The following KCNQ1 variants were observed in gnomAD, a reference collection of about 807,000 sequenced individuals.
The protein encoded by KCNQ1 is potassium voltage-gated channel subfamily KQT member 1.
KCNQ1 carries 49 observed loss-of-function variants against 72.4 expected under a neutral mutation model. The ratio of observed to expected loss-of-function variants is 0.68; its 90% confidence interval spans 0.54 to 0.86. The LOEUF (loss-of-function observed/expected upper bound fraction) is 0.86. KCNQ1 is among the 40% of genes least tolerant of loss of function. KCNQ1 has a pLI of 0.00. For synonymous variants in KCNQ1, 450 were observed against 412.6 expected, an observed-to-expected ratio of 1.09 and a Z score of -1.10; for missense variants, 790 against 945.1, an observed-to-expected ratio of 0.84 and a Z score of 2.15.
At position 2,587,699 on chromosome 11, in the gene KCNQ1, A is replaced by G. The variant is rs770801514; in HGVS notation, c.1251+7A>G. 5 of 1,613,612 alleles carry G rather than the reference A, an allele frequency of 3.1e-6. No homozygotes were observed. The highest frequency in any genetic ancestry group is 4.2e-6 in the Non-Finnish European group (5 of 1,179,942). On this transcript the variant is annotated splice_region_variant and intron_variant, in intron 9 of 15. Coordinates refer to ENST00000155840, the MANE Select transcript of KCNQ1 (RefSeq NM_000218.3). ...ACCCAAGAAGTCTGTGGTGGTGAGT[A>G]GCCCACCTGCCACCAGGGCAGGGCC...
At chr11:2,456,532 A>G (rs1846192370) in intron 1 of KCNQ1, among the ~76,000 whole-genome samples, 1 of 152,178 alleles carries the variant, frequency 6.6e-6, no homozygotes, top group Admixed American at 6.5e-5. Flanking sequence ...ACAGAATGGG[A>G]GAAAATATTA....
In KCNQ1 at chr11:2,677,597, T is replaced by G; in HGVS notation, c.1514+15516T>G. The G allele has an allele frequency of 2.5e-6, 1 of 398,578 alleles. No homozygotes were observed. 24.7% of individuals were successfully genotyped at this position (398,578 alleles called of 1,614,324 possible). A position where few individuals can be genotyped will look rare whatever the true frequency, so the allele number is the denominator to read the frequency against. On this transcript the variant is annotated intron_variant, in intron 11 of 15. Transcript: ENST00000155840. This position sits in a 1 kb window ranked among gnomAD's most constrained non-coding sequence, Gnocchi z 4.5. ...TTACAAAAGACAAACCAAAATCCCC[T>G]CTGGATTTGTTTTTTTCTAAAACGT...
At chr11:2,587,294 A>G (rs781336937) in intron 8 of KCNQ1, among the ~76,000 whole-genome samples, 69 of 152,206 alleles carry the variant, frequency 4.5e-4, no homozygotes, top group Non-Finnish European at 8.7e-4. Flanking sequence ...AGGCTGGCTC[A>G]GGGCTGGTAA....
chr11:2,802,299 G>T (rs889718730), intron 15 of KCNQ1, among the ~76,000 whole-genome samples: 2 of 152,324 alleles, frequency 1.3e-5, no homozygotes, highest in East Asian at 3.9e-4. Flanking sequence ...TTTAGCCCTG[G>T]CTCCGGCCCT....
intron 10 of KCNQ1, chr11:2,636,731 T>G (rs1014135883): frequency 6.6e-6 from 1 of 152,238 alleles, no homozygotes; most frequent in African/African-American, 2.4e-5. Flanking sequence ...CCTCTTTTTC[T>G]ATTGTTTGGA....
chr11:2,505,717 A>T (rs1847093397), intron 1 of KCNQ1, among the ~76,000 whole-genome samples: 1 of 152,216 alleles, frequency 6.6e-6, no homozygotes, highest in Admixed American at 6.5e-5. Flanking sequence ...TTAAGTGTGC[A>T]GCGTCCTCTT....
At chr11:2,644,598 G>T (rs1291586624) in intron 10 of KCNQ1, 1 of 398,326 alleles carries the variant, frequency 2.5e-6, no homozygotes, top group East Asian at 3.6e-5. Flanking sequence ...CATTCCTTAG[G>T]AGTTGTCATG....
At position 2,657,155 on chromosome 11, in the gene KCNQ1, C is replaced by G. The variant is rs548819496; in HGVS notation, c.1394-4806C>G. 1 of 398,656 alleles carries G rather than the reference C, an allele frequency of 2.5e-6. No individual in the cohort carries two copies. The highest frequency in any genetic ancestry group is 2.1e-5 in the African/African-American group (1 of 48,764). 24.7% of individuals were successfully genotyped at this position (398,656 alleles called of 1,614,324 possible). A position where few individuals can be genotyped will look rare whatever the true frequency, so the allele number is the denominator to read the frequency against. On this transcript the variant is annotated intron_variant, in intron 10 of 15. Coordinates refer to ENST00000155840, the MANE Select transcript of KCNQ1 (RefSeq NM_000218.3). The surrounding 1 kb of genome is among the most constrained non-coding windows in gnomAD (Gnocchi z 4.8). The stretch of plus-strand genomic sequence containing the variant: ...GAAGAAGTACTGATGTTTGGTACAG[C>G]AAGTTCTCCCACCTTGTTCTTCTTC...
Position 2,653,471 on chromosome 11 carries a change from G to A in KCNQ1, c.1394-8490G>A. 7.5e-6 allele frequency: 3 copies of A among 397,656 alleles called. No individual in the cohort carries two copies. The allele number at this position is 397,656 out of a possible 1,614,324, so 24.6% of individuals were successfully genotyped here. A position where few individuals can be genotyped will look rare whatever the true frequency, so the allele number is the denominator to read the frequency against. On this transcript the variant is annotated intron_variant, in intron 10 of 15. Coordinates refer to ENST00000155840, the MANE Select transcript of KCNQ1 (RefSeq NM_000218.3). This position sits in a 1 kb window ranked among gnomAD's most constrained non-coding sequence, Gnocchi z 5.3. ...TTTTTGGCTCACACAGCTGGACCCA[G>A]CTGTTTCAGACACAGCTGGACCCCA... is the stretch of plus-strand genomic sequence containing the variant.
At position 2,670,976 on chromosome 11, in the gene KCNQ1, C is replaced by T. The variant is rs187551401; in HGVS notation, c.1514+8895C>T. The T allele has an allele frequency of 1.0e-3, 410 of 398,640 alleles. 1 individual carries two copies. The highest frequency in any genetic ancestry group is 1.6e-3 in the Non-Finnish European group (357 of 226,080). The allele number at this position is 398,640 out of a possible 1,614,324, so 24.7% of individuals were successfully genotyped here. A position where few individuals can be genotyped will look rare whatever the true frequency, so the allele number is the denominator to read the frequency against. ...TCTTATGGTGCCCCAGAGCCCCTGG[C>T]TAGGCATTCATGCTTTAGATATGTG... On this transcript the variant is annotated intron_variant, in intron 11 of 15. Transcript: ENST00000155840. The surrounding 1 kb of genome is among the most constrained non-coding windows in gnomAD (Gnocchi z 4.9).
At position 2,447,366 on chromosome 11, in the gene KCNQ1, T is replaced by C. The variant is rs1322659405; in HGVS notation, c.386+1882T>C. ...GTGAAGTGGCCAGATCTGGGGCTGG[T>C]CCTTTCCAGTTCTGGGTCCTGTCCT... On this transcript the variant is annotated intron_variant, in intron 1 of 15. Coordinates refer to ENST00000155840, the MANE Select transcript of KCNQ1 (RefSeq NM_000218.3). The surrounding 1 kb of genome is among the most constrained non-coding windows in gnomAD (Gnocchi z 7.6). Among the ~76,000 whole-genome samples, 2 of 151,974 alleles carry C rather than the reference T, an allele frequency of 1.3e-5. No individual in the cohort carries two copies. Among genetic ancestry groups the C allele is most frequent in the Non-Finnish European group, 2.9e-5 (2 of 67,978 alleles).
At chr11:2,805,692 C>T (rs1041223795) in intron 15 of KCNQ1, among the ~76,000 whole-genome samples, 3 of 152,192 alleles carry the variant, frequency 2.0e-5, no homozygotes, top group Non-Finnish European at 4.4e-5. Flanking sequence ...AGCGTGCTAG[C>T]CCTTGCTCTA....
rs1288612760 is a variant in KCNQ1, at chr11:2,565,969, C to T, written c.478-4659C>T. Among the ~76,000 whole-genome samples the T allele has an allele frequency of 6.6e-6, 1 of 152,116 alleles. No homozygotes were observed. The highest frequency in any genetic ancestry group is 1.5e-5 in the Non-Finnish European group (1 of 68,008). On this transcript the variant is annotated intron_variant, in intron 2 of 15. Coordinates refer to ENST00000155840, the MANE Select transcript of KCNQ1 (RefSeq NM_000218.3). The surrounding 1 kb of genome is among the most constrained non-coding windows in gnomAD (Gnocchi z 5.6). ...TGACACCCACACCCTCCCTCCAGGC[C>T]AGACCCAGCTCTCCAGCTTCCCGGC...
chr11:2,667,616 G>T, intron 11 of KCNQ1: 1 of 398,648 alleles, frequency 2.5e-6, no homozygotes, highest in South Asian at 1.3e-4. Flanking sequence ...ATCCCATATA[G>T]ATCTCTTGTG....
At chr11:2,754,998 T>C (rs145331478) in intron 11 of KCNQ1, among the ~76,000 whole-genome samples, 2 of 152,314 alleles carry the variant, frequency 1.3e-5, no homozygotes, top group East Asian at 3.9e-4. Context: ...TTTACTCTCT[T>C]TCACTTCTGT....
At position 2,663,630 on chromosome 11, in the gene KCNQ1, T is replaced by A; in HGVS notation, c.1514+1549T>A. 2 of 398,676 alleles carry A rather than the reference T, an allele frequency of 5.0e-6. No individual in the cohort carries two copies. The highest frequency in any genetic ancestry group is 7.1e-5 in the East Asian group (2 of 28,076). The allele number at this position is 398,676 out of a possible 1,614,324, so 24.7% of individuals were successfully genotyped here. On this transcript the variant is annotated intron_variant, in intron 11 of 15. Transcript: ENST00000155840. This position sits in a 1 kb window ranked among gnomAD's most constrained non-coding sequence, Gnocchi z 5.2. ...TTGGTCACGGACCAGCATCCAGACATGCAAAAAGTCCTACTGGGAGGAGAG... is the reference window on the plus strand; with the variant it reads ...TTGGTCACGGACCAGCATCCAGACAAGCAAAAAGTCCTACTGGGAGGAGAG...
rs1399564822 is a variant in KCNQ1, at chr11:2,609,202, A to G, written c.1393+20348A>G. 1.8e-5 allele frequency: 7 copies of G among 398,132 alleles called. No homozygotes were observed. The East Asian group carries it at 2.1e-4, about 12-fold the overall frequency. 24.7% of individuals were successfully genotyped at this position (398,132 alleles called of 1,614,324 possible). ...CTTTACACTGCTTTAAATGTATCCC[A>G]TAAGTTCTGTTATGTTGTATCTTCA... On this transcript the variant is annotated intron_variant, in intron 10 of 15. Coordinates refer to ENST00000155840, the MANE Select transcript of KCNQ1 (RefSeq NM_000218.3).
chr11:2,589,329 C>T (rs1043055432), intron 10 of KCNQ1, among the ~76,000 whole-genome samples: 9 of 152,158 alleles, frequency 5.9e-5, no homozygotes, highest in African/African-American at 1.7e-4. Context: ...TCTCATGCAG[C>T]CCAGGGGCCC....
rs1234629793 is a variant in KCNQ1 at position 2,746,199 on chromosome 11, C to T, written c.1515-22645C>T. ...GGCACCATGCCCAGCCTCTTGCCGT[C>T]ATTTTTTTTATTTTAAATAAACTTT... is the stretch of plus-strand genomic sequence containing the variant. On this transcript the variant is annotated intron_variant, in intron 11 of 15. Transcript: ENST00000155840. The surrounding 1 kb of genome is among the most constrained non-coding windows in gnomAD (Gnocchi z 5.9). 6.6e-6 allele frequency among the ~76,000 whole-genome samples: 1 copy of T among 152,116 alleles called. No homozygotes were observed. The highest frequency in any genetic ancestry group is 1.5e-5 in the Non-Finnish European group (1 of 68,022).
Sources: allele counts gnomAD v4.1 joint callset (sites outside exome capture counted in the v4.1 genomes callset), GRCh38; gene constraint gnomAD v4.1.1; non-coding constraint Gnocchi (gnomAD v3.1); transcripts MANE v1.5; gene names NCBI Gene and HGNC (gene_info 2026-07-23, HGNC 2026-07-21).